The following GRIN2A variants were observed in gnomAD, a reference collection of about 807,000 sequenced individuals.
GRIN2A encodes glutamate receptor ionotropic, NMDA 2A.
A neutral mutation model predicts 113.4 loss-of-function variants in GRIN2A; 22 were observed. That is an observed-to-expected ratio of 0.19 (90% CI 0.14 to 0.28). GRIN2A has a LOEUF of 0.28. Ranked by LOEUF, GRIN2A falls within the 10% of genes least tolerant of loss-of-function variation. GRIN2A has a pLI of 1.00. For synonymous variants in GRIN2A, 827 were observed against 738.4 expected (o/e 1.12, Z -1.94); for missense variants, 1,502 against 1,887.0 (o/e 0.80, Z 3.78).
intron 2 of GRIN2A, among the ~76,000 whole-genome samples, chr16:10,113,049 T>G (rs930879066): frequency 6.6e-6 from 1 of 152,118 alleles, no homozygotes; most frequent in African/African-American, 2.4e-5. Flanking sequence ...AGCCCCTCGC[T>G]GAGCATCCCC....
intron 4 of GRIN2A, among the ~76,000 whole-genome samples, chr16:9,861,463 A>G (rs2043066549): frequency 2.0e-5 from 3 of 152,188 alleles, no homozygotes; most frequent in Admixed American, 6.5e-5. Flanking sequence ...CTGACACACA[A>G]ACAAACCGAT....
At chr16:10,048,655 G>A (rs2047301002) in intron 2 of GRIN2A, among the ~76,000 whole-genome samples, 3 of 152,150 alleles carry the variant, frequency 2.0e-5, no homozygotes, top group South Asian at 4.1e-4. Flanking sequence ...ACATAGCCCA[G>A]GTCTGTGCCC....
At chr16:10,080,936 A>G (rs975842290) in intron 2 of GRIN2A, among the ~76,000 whole-genome samples, 2 of 152,072 alleles carry the variant, frequency 1.3e-5, no homozygotes, top group African/African-American at 2.4e-5. Flanking sequence ...GCCCCAGTGA[A>G]TATCTTCGCC....
At chr16:9,866,921 A>T (rs1049395307) in intron 4 of GRIN2A, among the ~76,000 whole-genome samples, 5 of 152,102 alleles carry the variant, frequency 3.3e-5, no homozygotes, top group African/African-American at 1.2e-4. Flanking sequence ...GCTTGACTCA[A>T]ATGACTCTGA....
At chr16:9,841,152 T>C in intron 5 of GRIN2A, 48 bp from the exon 6 acceptor site, 1 of 1,470,832 alleles carries the variant, frequency 6.8e-7, no homozygotes, top group Non-Finnish European at 9.5e-7. Flanking sequence ...CTGGAAGGTT[T>C]GTTCACAATC....
At chr16:9,901,475 T>A (rs890840820) in intron 3 of GRIN2A, among the ~76,000 whole-genome samples, 1 of 152,170 alleles carries the variant, frequency 6.6e-6, no homozygotes, top group African/African-American at 2.4e-5. Context: ...ATATATATAT[T>A]TTTGAGACAC....
intron 2 of GRIN2A, among the ~76,000 whole-genome samples, chr16:10,131,834 C>A (rs1170329453): frequency 1.3e-5 from 2 of 152,134 alleles, no homozygotes; most frequent in African/African-American, 4.8e-5. Flanking sequence ...CCTAGAGTGG[C>A]AAAACAGGAA....
At chr16:9,897,943 G>T (rs2043839083) in intron 3 of GRIN2A, among the ~76,000 whole-genome samples, 1 of 151,846 alleles carries the variant, frequency 6.6e-6, no homozygotes. Flanking sequence ...ATAACTTGCT[G>T]CTTCTATGTT....
intron 2 of GRIN2A, among the ~76,000 whole-genome samples, chr16:10,141,598 T>C (rs914562960): frequency 3.3e-5 from 5 of 152,160 alleles, no homozygotes; most frequent in African/African-American, 1.2e-4. Flanking sequence ...GGCTGGAAGA[T>C]TCCTGCTCTT....
At chr16:10,124,612 G>A (rs1488600085) in intron 2 of GRIN2A, among the ~76,000 whole-genome samples, 3 of 152,180 alleles carry the variant, frequency 2.0e-5, no homozygotes, top group African/African-American at 7.2e-5. Flanking sequence ...GTCCAGGTGA[G>A]ACGGAGCTGG....
chr16:10,096,075 C>T (rs998536510), intron 2 of GRIN2A, among the ~76,000 whole-genome samples: 2 of 152,120 alleles, frequency 1.3e-5, no homozygotes, highest in African/African-American at 2.4e-5. Flanking sequence ...TATCTAAATG[C>T]ATATACAGTT....
chr16:10,128,995 G>A (rs896637261), intron 2 of GRIN2A, among the ~76,000 whole-genome samples: 12 of 152,034 alleles, frequency 7.9e-5, no homozygotes, highest in East Asian at 3.9e-4. Flanking sequence ...TTTCATCCCC[G>A]TAACCAATCT....
At chr16:9,797,918 G>T (rs1256916086) in intron 11 of GRIN2A, among the ~76,000 whole-genome samples, 2 of 152,084 alleles carry the variant, frequency 1.3e-5, no homozygotes, top group Non-Finnish European at 2.9e-5. Flanking sequence ...TCACCTGAGG[G>T]ACAAAATTGC....
chr16:9,999,202 T>C (rs1187390800), intron 2 of GRIN2A, among the ~76,000 whole-genome samples: 2 of 152,172 alleles, frequency 1.3e-5, no homozygotes, highest in Non-Finnish European at 2.9e-5. Context: ...GAGTCAGTGG[T>C]TAAGAATCCA....
chr16:9,894,367 A>G (rs16966621), intron 3 of GRIN2A, among the ~76,000 whole-genome samples: 1,891 of 152,324 alleles, frequency 0.012, 42 homozygotes, highest in African/African-American at 0.042. Context: ...CAATAGGGGC[A>G]GAAGTGAAAA....
intron 2 of GRIN2A, among the ~76,000 whole-genome samples, chr16:10,162,192 C>A (rs560389573): frequency 3.9e-5 from 6 of 152,136 alleles, no homozygotes; most frequent in Non-Finnish European, 7.4e-5. Flanking sequence ...AAGACAGGGA[C>A]TCAGTTCCTC....
At chr16:10,107,892 G>A (rs142282024) in intron 2 of GRIN2A, among the ~76,000 whole-genome samples, 18 of 152,324 alleles carry the variant, frequency 1.2e-4, no homozygotes, top group East Asian at 5.8e-4. Flanking sequence ...TGCACAAAAC[G>A]TGCAAAGTGC....
Position 9,815,413 on chromosome 16 carries a change from C to CAA in GRIN2A, c.2168+6849_2168+6850dup, listed in dbSNP as rs71157786. Reference sequence around the variant, plus strand: ...AGAACTCTTAAAACCTAACAACAACCAAAAAAAAAAAAAAAAAGAAAACCC... The same window carrying CAA: ...AGAACTCTTAAAACCTAACAACAACCAAAAAAAAAAAAAAAAAAAGAAAACCC... On this transcript the variant is annotated intron_variant, in intron 10 of 12. Coordinates refer to ENST00000330684, the MANE Select transcript of GRIN2A (RefSeq NM_001134407.3). Among the ~76,000 whole-genome samples the CAA allele has an allele frequency of 2.2e-3, 248 of 111,898 alleles. 4 individuals carry two copies. The highest frequency in any genetic ancestry group is 1.2e-3 in the South Asian group (4 of 3,268). The allele number at this position is 111,898 out of a possible 152,430, so 73.4% of individuals were successfully genotyped here.
chr16:9,868,981 T>C (rs569658055), intron 4 of GRIN2A, among the ~76,000 whole-genome samples: 4 of 152,236 alleles, frequency 2.6e-5, no homozygotes, highest in East Asian at 3.9e-4. Context: ...ACTGGGCAGG[T>C]AGCCTCTCCT....
Sources: allele counts gnomAD v4.1 joint callset (sites outside exome capture counted in the v4.1 genomes callset), GRCh38; gene constraint gnomAD v4.1.1; transcripts MANE v1.5; gene names NCBI Gene and HGNC (gene_info 2026-07-23, HGNC 2026-07-21).